RASA3: variants seen among roughly 807,000 people sequenced by gnomAD.
The protein encoded by RASA3 is ras GTPase-activating protein 3.
A neutral mutation model predicts 110.0 loss-of-function variants in RASA3; 73 were observed. The observed-to-expected ratio is 0.66, with a 90% CI of 0.55 to 0.81. RASA3 has a LOEUF of 0.81. RASA3 is among the 30% of genes least tolerant of loss of function. The pLI is 0.00. For synonymous variants in RASA3, 500 were observed against 451.4 expected, an observed-to-expected ratio of 1.11 and a Z score of -1.37; for missense variants, 976 against 1,113.2, an observed-to-expected ratio of 0.88 and a Z score of 1.75.
chr13:114,009,477 G>A lies in RASA3; in HGVS notation c.1591-13C>T, dbSNP rs201786106. 18 of 1,580,350 alleles carry A rather than the reference G, an allele frequency of 1.1e-5. No individual in the cohort carries two copies. The highest frequency in any genetic ancestry group is 5.4e-5 in the African/African-American group (4 of 74,446). ...CCTTAAAACTCGCCTAAAATGAAAC[G>A]GAGATCACTCGAGGACAGCCCGAAG... On this transcript the variant is annotated splice_polypyrimidine_tract_variant and intron_variant, in intron 16 of 23. Coordinates refer to ENST00000334062, the MANE Select transcript of RASA3 (RefSeq NM_007368.4).
intron 2 of RASA3, 22 bp downstream of exon 2, chr13:114,073,698 G>C (rs777685013): frequency 1.3e-6 from 2 of 1,573,710 alleles, no homozygotes; most frequent in African/African-American, 1.3e-5. Context: ...TCAGTGCCAA[G>C]TAAAGCAACA....
intron 1 of RASA3, among the ~76,000 whole-genome samples, chr13:114,089,634 C>A (rs899363146): frequency 6.6e-6 from 1 of 152,232 alleles, no homozygotes; most frequent in Admixed American, 6.5e-5. Context: ...CAGCCGCGCA[C>A]GGCCGCCCCA....
chr13:114,052,647 G>A (rs138766661), intron 2 of RASA3, among the ~76,000 whole-genome samples: 246 of 150,454 alleles, frequency 1.6e-3, no homozygotes, highest in African/African-American at 5.9e-3. Flanking sequence ...AGAGACCCCC[G>A]CTGCTGACTG....
chr13:114,007,903 C>G (rs1028727397), intron 17 of RASA3, among the ~76,000 whole-genome samples: 1 of 152,236 alleles, frequency 6.6e-6, no homozygotes, highest in South Asian at 2.1e-4. Context: ...ATCTGGGTCC[C>G]GGTAGTGAGG....
chr13:114,013,863 CCT>C lies in RASA3; in HGVS notation c.1406-617_1406-616del, dbSNP rs1491061411. Among the ~76,000 whole-genome samples, 2 of 122,638 alleles carry C rather than the reference CCT, an allele frequency of 1.6e-5. 1 individual carries two copies. Among genetic ancestry groups the C allele is most frequent in the Non-Finnish European group, 3.4e-5 (2 of 59,630 alleles). The allele number at this position is 122,638 out of a possible 152,430, so 80.5% of individuals were successfully genotyped here. A position where few individuals can be genotyped will look rare whatever the true frequency, so the allele number is the denominator to read the frequency against. Reference sequence around the variant, plus strand: ...CTCTCTCCATCTCTCTGTCTCTCTCCCTGTCTCTCTCCCTATCTCTGTCTCTC... The same window carrying C: ...CTCTCTCCATCTCTCTGTCTCTCTCCGTCTCTCTCCCTATCTCTGTCTCTC... On this transcript the variant is annotated intron_variant, in intron 14 of 23. Transcript: ENST00000334062.
intron 3 of RASA3, among the ~76,000 whole-genome samples, chr13:114,045,523 C>T (rs894143243): frequency 6.6e-6 from 1 of 152,112 alleles, no homozygotes; most frequent in African/African-American, 2.4e-5. Flanking sequence ...CTGAAATGCG[C>T]GCGCCTCCCT....
intron 1 of RASA3, among the ~76,000 whole-genome samples, chr13:114,079,002 G>T (rs2079737667): frequency 6.6e-6 from 1 of 152,376 alleles, no homozygotes; most frequent in Admixed American, 6.5e-5. Context: ...CTCAGGCGGG[G>T]CTGGCCTCAT....
chr13:114,091,285 G>T (rs1261585871), intron 1 of RASA3, among the ~76,000 whole-genome samples: 1 of 151,936 alleles, frequency 6.6e-6, no homozygotes, highest in Non-Finnish European at 1.5e-5. Flanking sequence ...TTTGGTGTGA[G>T]GTCGTGTCCC....
intron 9 of RASA3, among the ~76,000 whole-genome samples, chr13:114,020,451 G>T (rs1346342681): frequency 6.6e-6 from 1 of 152,214 alleles, no homozygotes; most frequent in Non-Finnish European, 1.5e-5. Context: ...CAGGGGGCCT[G>T]TGCCCGTGCC....
intron 3 of RASA3, among the ~76,000 whole-genome samples, chr13:114,045,419 C>T (rs2079037149): frequency 1.3e-5 from 2 of 152,158 alleles, no homozygotes; most frequent in East Asian, 1.9e-4. Flanking sequence ...GTCTGGAGGG[C>T]ATCAGACGGG....
intron 23 of RASA3, among the ~76,000 whole-genome samples, chr13:113,981,448 G>A (rs1039680568): frequency 1.3e-5 from 2 of 152,192 alleles, no homozygotes; most frequent in Non-Finnish European, 2.9e-5. Flanking sequence ...CGCTGGCTGG[G>A]GGCCTGGAGA....
At chr13:113,989,183 C>T (rs946342672) in intron 22 of RASA3, among the ~76,000 whole-genome samples, 2 of 148,062 alleles carry the variant, frequency 1.4e-5, no homozygotes, top group African/African-American at 5.0e-5. Context: ...CTCACCCTGT[C>T]CTCCACCCAT....
chr13:114,082,943 T>C (rs1161795860), intron 1 of RASA3, among the ~76,000 whole-genome samples: 1 of 152,234 alleles, frequency 6.6e-6, no homozygotes, highest in East Asian at 1.9e-4. Flanking sequence ...CAGCAAACTC[T>C]TGTCTCTAAG....
chr13:114,059,627 C>A (rs2079303719), intron 2 of RASA3, among the ~76,000 whole-genome samples: 1 of 152,370 alleles, frequency 6.6e-6, no homozygotes, highest in Non-Finnish European at 1.5e-5. Flanking sequence ...AGGGCAGTGG[C>A]TCTGCCCCCA....
rs544389214 is a variant in RASA3 at position 114,042,068 on chromosome 13, C to T, written c.278-974G>A. 9.2e-5 allele frequency among the ~76,000 whole-genome samples: 14 copies of T among 152,370 alleles called. No homozygotes were observed. The South Asian group carries it at 1.4e-3, about 16-fold the overall frequency. ...TATCAGAATATATTTGTACAATATA[C>T]GTTTACCTAGTATGGATTTATATGT... is the stretch of plus-strand genomic sequence containing the variant. On this transcript the variant is annotated intron_variant, in intron 3 of 23. Transcript: ENST00000334062.
At chr13:114,132,326 G>T (rs993024141) in intron 1 of RASA3, 109 bp downstream of exon 1, 1 of 1,174,242 alleles carries the variant, frequency 8.5e-7, no homozygotes, top group Non-Finnish European at 1.1e-6. Flanking sequence ...CGCGCCTGGA[G>T]GGCGTCTCCG....
chr13:114,040,921 C>CA, intron 4 of RASA3, 79 bp downstream of exon 4: 1 of 1,355,456 alleles, frequency 7.4e-7, no homozygotes, highest in Non-Finnish European at 1.0e-6. Context: ...CGTCTTTAGC[C>CA]ACAGTCGGAG....
chr13:114,049,440 A>G (rs75632431), intron 3 of RASA3, among the ~76,000 whole-genome samples: 32,694 of 152,174 alleles, frequency 0.21, 3,575 homozygotes, highest in East Asian at 0.31. Flanking sequence ...AGAATGATTA[A>G]TAAACATCTT....
chr13:114,002,474 G>A (rs753067684), intron 18 of RASA3, among the ~76,000 whole-genome samples: 2 of 152,150 alleles, frequency 1.3e-5, no homozygotes, highest in South Asian at 2.1e-4. Context: ...TGCGCAGGGC[G>A]GGGCCTACAC....
Sources: gnomAD v4.1 joint callset for allele counts (sites outside exome capture counted in the v4.1 genomes callset) on GRCh38, gnomAD v4.1.1 for gene constraint, MANE v1.5 for transcripts, NCBI Gene and HGNC (gene_info 2026-07-23, HGNC 2026-07-21) for gene names.